CDA: variants seen among roughly 807,000 people sequenced by gnomAD.
The protein encoded by CDA is cytidine aminohydrolase.
A neutral mutation model predicts 15.0 loss-of-function variants in CDA; 7 were observed. The ratio of observed to expected loss-of-function variants is 0.47; its 90% CI spans 0.26 to 0.87. The LOEUF is 0.87. Ranked by LOEUF, CDA falls within the 40% of genes least tolerant of loss-of-function variation. CDA has a pLI of 0.15. For missense variants in CDA, 159 were observed against 182.7 expected (o/e 0.87, Z 0.75); for synonymous variants, 58 against 73.0 (o/e 0.79, Z 1.05).
intron 3 of CDA, among the ~76,000 whole-genome samples, chr1:20,617,719 G>A (rs566093268): frequency 6.7e-5 from 10 of 148,994 alleles, no homozygotes; most frequent in Admixed American, 4.7e-4. Context: ...TTTTGAGACC[G>A]AGTCTCGCTC....
At position 20,603,761 on chromosome 1, in the gene CDA, C is replaced by G. The variant is rs182325785; in HGVS notation, c.155-1167C>G. ...CAGTGATACAGATGGAATACCACAT[C>G]TTGCTGGTCAGGGGAAAACCCAGCT... On this transcript the variant is annotated intron_variant, in intron 1 of 3. Coordinates refer to ENST00000375071, the MANE Select transcript of CDA (RefSeq NM_001785.3). 3.9e-5 allele frequency among the ~76,000 whole-genome samples: 6 copies of G among 152,350 alleles called. No homozygotes were observed. The East Asian group carries it at 1.2e-3, about 29-fold the overall frequency.
intron 1 of CDA, 150 bp from the exon 2 acceptor site, chr1:20,604,778 T>C: frequency 4.4e-6 from 3 of 680,704 alleles, no homozygotes; most frequent in Non-Finnish European, 8.1e-6. Context: ...GTGCCCCAGG[T>C]CGAATTGCCC....
intron 1 of CDA, among the ~76,000 whole-genome samples, chr1:20,591,647 GC>G (rs1461528037): frequency 3.3e-5 from 5 of 152,094 alleles, no homozygotes; most frequent in African/African-American, 1.2e-4. Flanking sequence ...CAGGACTGTG[GC>G]CCATTTGCAT....
At chr1:20,607,776 T>G (rs2052707942) in intron 2 of CDA, among the ~76,000 whole-genome samples, 1 of 152,216 alleles carries the variant, frequency 6.6e-6, no homozygotes, top group South Asian at 2.1e-4. Flanking sequence ...CACTCATGAT[T>G]TGTTAAATTG....
At chr1:20,618,416 G>A (rs61781969) in intron 3 of CDA, 36 bp from the exon 4 acceptor site, 396,962 of 1,264,578 alleles carry the variant, frequency 0.31, 63,323 homozygotes, top group African/African-American at 0.38. Flanking sequence ...CCTCAGCCAC[G>A]CTGTGTCTCT....
chr1:20,609,214 G>T (rs1228446740), intron 2 of CDA, among the ~76,000 whole-genome samples: 3 of 152,210 alleles, frequency 2.0e-5, no homozygotes, highest in African/African-American at 7.2e-5. Flanking sequence ...GCCGGGCGCA[G>T]TGGCTCATGC....
At chr1:20,612,457 C>T (rs867771642) in intron 2 of CDA, among the ~76,000 whole-genome samples, 1 of 152,078 alleles carries the variant, frequency 6.6e-6, no homozygotes, top group Non-Finnish European at 1.5e-5. Context: ...TCCACCCCCC[C>T]ACCACCGACA....
chr1:20,596,668 A>G (rs750553413), intron 1 of CDA, among the ~76,000 whole-genome samples: 4 of 151,400 alleles, frequency 2.6e-5, no homozygotes, highest in Non-Finnish European at 4.4e-5. Context: ...CAGAAAAGAG[A>G]GTGGGTGCAG....
intron 3 of CDA, among the ~76,000 whole-genome samples, chr1:20,614,721 G>A (rs1031266817): frequency 3.3e-5 from 5 of 152,214 alleles, no homozygotes; most frequent in Non-Finnish European, 2.9e-5. Context: ...AGAAGGCCAC[G>A]AGGGCTAGAG....
In CDA at chr1:20,618,572, C is replaced by T. The variant is rs753467169; in HGVS notation, c.*4C>T. The stretch of plus-strand genomic sequence containing the variant: ...GGACCTGCAGAAGACCCAGTGACAG[C>T]CAGAGAATGCCCACTGCCTGTAACA... On this transcript the variant is annotated 3_prime_UTR_variant, in exon 4 of 4. Coordinates refer to ENST00000375071, the MANE Select transcript of CDA (RefSeq NM_001785.3). The T allele has an allele frequency of 3.9e-6, 6 of 1,525,942 alleles. No homozygotes were observed. The highest frequency in any genetic ancestry group is 3.6e-6 in the Non-Finnish European group (4 of 1,099,656). The allele number at this position is 1,525,942 out of a possible 1,614,324, so 94.5% of individuals were successfully genotyped here. A position where few individuals can be genotyped will look rare whatever the true frequency, so the allele number is the denominator to read the frequency against.
intron 1 of CDA, among the ~76,000 whole-genome samples, chr1:20,589,938 T>C (rs1570373689): frequency 6.6e-6 from 1 of 152,072 alleles, no homozygotes; most frequent in Admixed American, 6.5e-5. Flanking sequence ...CGGGGGCGGG[T>C]AATGGAACCT....
chr1:20,595,170 C>T (rs1244310657), intron 1 of CDA, among the ~76,000 whole-genome samples: 1 of 152,148 alleles, frequency 6.6e-6, no homozygotes, highest in African/African-American at 2.4e-5. Flanking sequence ...CTTTCCTCCT[C>T]CTTTCCTCTC....
intron 3 of CDA, among the ~76,000 whole-genome samples, chr1:20,617,630 T>C (rs2052826539): frequency 6.6e-6 from 1 of 152,194 alleles, no homozygotes; most frequent in Admixed American, 6.5e-5. Context: ...TCTTCCGCCA[T>C]GGTTGTGAGG....
rs1570375628 is a variant in CDA, at chr1:20,593,325, C to T, written c.154+4042C>T. ...ATGACCTCCTGTAATATCACAGCCA[C>T]CTCATGATGGGGGACAATGAGTTTC... On this transcript the variant is annotated intron_variant, in intron 1 of 3. Coordinates refer to ENST00000375071, the MANE Select transcript of CDA (RefSeq NM_001785.3). Among the ~76,000 whole-genome samples the T allele has an allele frequency of 5.3e-5, 8 of 152,248 alleles. 1 individual carries two copies. In the South Asian group the frequency reaches 1.7e-3, roughly 32 times the overall value.
At position 20,607,404 on chromosome 1, in the gene CDA, G is replaced by A. The variant is rs568965831; in HGVS notation, c.266+2365G>A. 2.0e-5 allele frequency among the ~76,000 whole-genome samples: 3 copies of A among 152,260 alleles called. No individual in the cohort carries two copies. The South Asian group carries it at 6.2e-4, about 32-fold the overall frequency. On this transcript the variant is annotated intron_variant, in intron 2 of 3. Transcript: ENST00000375071. ...TAAGGCTTCCGGAGGAATAAAGGAC[G>A]CTGTGCTGAGAACATTTTGTGCAGA... is the stretch of plus-strand genomic sequence containing the variant.
At chr1:20,603,811 C>G (rs944467318) in intron 1 of CDA, among the ~76,000 whole-genome samples, 1 of 152,238 alleles carries the variant, frequency 6.6e-6, no homozygotes, top group Non-Finnish European at 1.5e-5. Context: ...TTCGTAGACT[C>G]ACTTCCCTGA....
intron 2 of CDA, among the ~76,000 whole-genome samples, chr1:20,609,493 A>T (rs72650813): frequency 0.11 from 17,274 of 152,200 alleles, 1,091 homozygotes; most frequent in East Asian, 0.18. Context: ...CTCAAAAAAA[A>T]AAAGATTCAG....
Position 20,589,229 on chromosome 1 carries a change from A to T in CDA, c.100A>T (p.Ser34Cys). 6.2e-7 allele frequency: 1 copy of T among 1,613,854 alleles called. No individual in the cohort carries two copies. The highest frequency in any genetic ancestry group is 1.3e-5 in the African/African-American group (1 of 75,034). ...EAKKSAYCPY[S>C]HFPVGAALLT... ...CAAGAAGTCAGCCTACTGCCCCTACAGTCACTTTCCTGTGGGGGCTGCCCT... is the reference window on the plus strand; with the variant it reads ...CAAGAAGTCAGCCTACTGCCCCTACTGTCACTTTCCTGTGGGGGCTGCCCT... The change falls in exon 1 of 4, where the codon AGT (serine) becomes TGT (cysteine). Residue 34 changes from serine to cysteine, a missense_variant. Ser to Cys is a moderately radical substitution (Grantham distance 112). Transcript: ENST00000375071.
chr1:20,617,682 T>TTTATA (rs2052827223), intron 3 of CDA, among the ~76,000 whole-genome samples: 1 of 147,856 alleles, frequency 6.8e-6, no homozygotes, highest in Admixed American at 6.8e-5. Flanking sequence ...TAAACCTCCT[T>TTTATA]TTTTATTTTA....
Sources: allele counts gnomAD v4.1 joint callset (sites outside exome capture counted in the v4.1 genomes callset), GRCh38; gene constraint gnomAD v4.1.1; transcripts MANE v1.5; gene names NCBI Gene and HGNC (gene_info 2026-07-23, HGNC 2026-07-21).